PLSCR4: variants seen among roughly 807,000 people sequenced by gnomAD.
PLSCR4 encodes the protein Ca(2+)-dependent phospholipid scramblase 4.
In PLSCR4, 25 loss-of-function variants were observed where a neutral mutation model predicts 36.3. That is an observed-to-expected ratio of 0.69 (90% CI 0.50 to 0.96). The LOEUF (loss-of-function observed/expected upper bound fraction) is 0.96. Ranked by LOEUF, PLSCR4 falls within the 40% of genes least tolerant of loss-of-function variation. The pLI, the probability that PLSCR4 is intolerant of heterozygous loss-of-function variation, is 0.00. For synonymous variants in PLSCR4, 122 were observed against 132.9 expected (o/e 0.92, Z 0.56); for missense variants, 408 against 414.7 (o/e 0.98, Z 0.14).
At chr3:146,224,834 C>G (rs2035369807) in intron 1 of PLSCR4, among the ~76,000 whole-genome samples, 1 of 150,046 alleles carries the variant, frequency 6.7e-6, no homozygotes, top group East Asian at 2.0e-4. Context: ...AAAGGTTCTC[C>G]ACGTCCCCAT....
chr3:146,196,339 C>G, intron 7 of PLSCR4: 1 of 309,234 alleles, frequency 3.2e-6, no homozygotes, highest in South Asian at 4.4e-5. Context: ...ATATAGCCAA[C>G]AATAGAATAG....
At chr3:146,199,037 G>T (rs895975275) in intron 6 of PLSCR4, among the ~76,000 whole-genome samples, 1 of 152,004 alleles carries the variant, frequency 6.6e-6, no homozygotes, top group African/African-American at 2.4e-5. Flanking sequence ...AGGTAAATAA[G>T]GCCTGGAGAC....
chr3:146,217,041 T>A (rs2034930908), intron 3 of PLSCR4, among the ~76,000 whole-genome samples: 1 of 152,156 alleles, frequency 6.6e-6, no homozygotes, highest in South Asian at 2.1e-4. Flanking sequence ...CTATGAAATA[T>A]TCCTCAAGCC....
intron 3 of PLSCR4, 137 bp downstream of exon 3, chr3:146,220,678 C>T (rs2035091775): frequency 6.3e-6 from 4 of 637,982 alleles, no homozygotes; most frequent in African/African-American, 1.8e-5. Flanking sequence ...ATATAGTAAA[C>T]TATGTGGCAC....
Position 146,193,048 on chromosome 3 carries a change from TG to T in PLSCR4, c.*1362del, listed in dbSNP as rs2033489605. On this transcript the variant is annotated 3_prime_UTR_variant, in exon 9 of 9. Transcript: ENST00000354952. Reference sequence around the variant, plus strand: ...TACATCCCATTCTACATACTGACTGTGTTAAAAAAAAAAAATGCAGTCCATA... The same window carrying T: ...TACATCCCATTCTACATACTGACTGTTTAAAAAAAAAAAATGCAGTCCATA... The T allele has an allele frequency of 1.8e-5, 1 of 55,774 alleles. No homozygotes were observed. Among genetic ancestry groups the T allele is most frequent in the Non-Finnish European group, 3.4e-5 (1 of 29,544 alleles). 3.5% of individuals were successfully genotyped at this position (55,774 alleles called of 1,614,324 possible). A position where few individuals can be genotyped will look rare whatever the true frequency, so the allele number is the denominator to read the frequency against.
intron 1 of PLSCR4, among the ~76,000 whole-genome samples, chr3:146,239,836 T>C (rs1358944161): frequency 2.6e-5 from 4 of 152,050 alleles, no homozygotes; most frequent in South Asian, 2.1e-4. Context: ...TGAGCCGAGA[T>C]TGCACCATTG....
intron 3 of PLSCR4, among the ~76,000 whole-genome samples, chr3:146,216,568 C>G (rs935037757): frequency 6.6e-6 from 1 of 152,082 alleles, no homozygotes; most frequent in Admixed American, 6.6e-5. Flanking sequence ...CTATTATTAT[C>G]CTTAATTTAT....
chr3:146,222,747 G>T (rs1224993776), intron 1 of PLSCR4, among the ~76,000 whole-genome samples: 1 of 152,166 alleles, frequency 6.6e-6, no homozygotes, highest in Non-Finnish European at 1.5e-5. Flanking sequence ...TGGGAAGTCT[G>T]GAGGATTCAG....
chr3:146,243,635 T>C (rs2036240872), intron 1 of PLSCR4, among the ~76,000 whole-genome samples: 1 of 152,094 alleles, frequency 6.6e-6, no homozygotes, highest in Non-Finnish European at 1.5e-5. Context: ...GATGACATGG[T>C]GAAAATATGT....
intron 4 of PLSCR4, among the ~76,000 whole-genome samples, chr3:146,204,246 T>C (rs1313598090): frequency 6.6e-6 from 1 of 151,892 alleles, no homozygotes; most frequent in Non-Finnish European, 1.5e-5. Context: ...TAAAGATTCA[T>C]GTAATCTTCA....
intron 1 of PLSCR4, among the ~76,000 whole-genome samples, chr3:146,232,685 G>A (rs1038096462): frequency 1.3e-5 from 2 of 152,094 alleles, no homozygotes; most frequent in African/African-American, 4.8e-5. Flanking sequence ...GTTTTACACT[G>A]ATTTTGTATC....
chr3:146,197,858 A>T (rs1295041915), intron 6 of PLSCR4, among the ~76,000 whole-genome samples: 4 of 152,198 alleles, frequency 2.6e-5, no homozygotes, highest in Admixed American at 6.5e-5. Context: ...TATTGTTCAT[A>T]TGTATAAATT....
rs1385324793 is a variant in PLSCR4 at position 146,206,761 on chromosome 3, C to T, written c.119G>A (p.Gly40Glu). ...TGGAGGGACAGCTGTTCCAGGGGGT[C>T]CTGTGTTCAAAAGAAATCAAAGTGT... ...PPEYNSHFLP[G>E]PPGTAVPPPT... is the part of the protein sequence containing the mutation. Residue 40 changes from glycine (G) to glutamate (E), a missense_variant and splice_region_variant, in exon 4 of 9, where the codon GGA (glycine) becomes GAA (glutamate). Gly to Glu is a moderately conservative substitution (Grantham distance 98, BLOSUM62 -2). Transcript: ENST00000354952. 1.3e-6 allele frequency: 2 copies of T among 1,566,426 alleles called. No homozygotes were observed. Among genetic ancestry groups the T allele is most frequent in the African/African-American group, 2.7e-5 (2 of 73,682 alleles).
chr3:146,224,190 C>A (rs993551171), intron 1 of PLSCR4, among the ~76,000 whole-genome samples: 1 of 151,990 alleles, frequency 6.6e-6, no homozygotes. Context: ...TAACACTATT[C>A]ATATTTAAAA....
At chr3:146,224,627 A>G (rs575979588) in intron 1 of PLSCR4, among the ~76,000 whole-genome samples, 1 of 152,196 alleles carries the variant, frequency 6.6e-6, no homozygotes, top group Non-Finnish European at 1.5e-5. Flanking sequence ...GAGCAGCAGC[A>G]AGATTTATTG....
chr3:146,249,280 T>A (rs1006293981), intron 1 of PLSCR4, among the ~76,000 whole-genome samples: 2 of 152,142 alleles, frequency 1.3e-5, no homozygotes, highest in Non-Finnish European at 2.9e-5. Flanking sequence ...CTGCATATGT[T>A]TAGATTTAAA....
At chr3:146,194,956 T>C (rs1211785390) in intron 8 of PLSCR4, among the ~76,000 whole-genome samples, 168 bp downstream of exon 8, 1 of 152,194 alleles carries the variant, frequency 6.6e-6, no homozygotes, top group Non-Finnish European at 1.5e-5. Flanking sequence ...ATTTTACAGA[T>C]GAGGAAACTG....
chr3:146,210,991 T>C (rs2108258708), intron 3 of PLSCR4, among the ~76,000 whole-genome samples: 1 of 152,158 alleles, frequency 6.6e-6, no homozygotes, highest in South Asian at 2.1e-4. Context: ...CAATGGACAT[T>C]TAGGTTGCTT....
chr3:146,226,133 G>A (rs2035465871), intron 1 of PLSCR4, among the ~76,000 whole-genome samples: 1 of 152,238 alleles, frequency 6.6e-6, no homozygotes, highest in Non-Finnish European at 1.5e-5. Flanking sequence ...GAAGTGATGA[G>A]GGGTGGCTGT....
Sources: gnomAD v4.1 joint callset for allele counts (sites outside exome capture counted in the v4.1 genomes callset) on GRCh38, gnomAD v4.1.1 for gene constraint, MANE v1.5 for transcripts, NCBI Gene and HGNC (gene_info 2026-07-23, HGNC 2026-07-21) for gene names.